Variants in SCRIB observed in about 807,000 individuals in gnomAD.
SCRIB encodes the protein scribble planar cell polarity protein.
SCRIB carries 72 observed loss-of-function variants against 170.0 expected under a neutral mutation model. The observed-to-expected ratio is 0.42, with a 90% CI of 0.35 to 0.52. The LOEUF is 0.52. Among genes scored for constraint, SCRIB ranks in the 20% least tolerant of loss-of-function variants. SCRIB has a pLI of 0.02. For missense variants in SCRIB, 2,475 were observed against 2,338.5 expected, an observed-to-expected ratio of 1.06 and a Z score of -1.20; for synonymous variants, 1,298 against 1,044.3, an observed-to-expected ratio of 1.24 and a Z score of -4.68.
chr8:143,795,391 T>G, intron 25 of SCRIB, 29 bp downstream of exon 25: 1 of 1,612,606 alleles, frequency 6.2e-7, no homozygotes, highest in Non-Finnish European at 8.5e-7. Context: ...TCCCTGGCCC[T>G]GGGGCTGCCG....
chr8:143,792,859 C>T lies in SCRIB; in HGVS notation c.4026G>A (p.Thr1342=), dbSNP rs528903877. The part of the protein sequence containing the change: ...PPEDAPAQPP[T]PGPAASPEQL... Reference sequence around the variant, plus strand: ...GCTCCGGGGAGGCTGCAGGCCCAGGCGTGGGGGGCTGGGGGGAGCGGACCT... The same window carrying T: ...GCTCCGGGGAGGCTGCAGGCCCAGGTGTGGGGGGCTGGGGGGAGCGGACCT... The change falls in exon 30 of 37, where the codon ACG becomes ACA. Residue 1342 remains threonine (T), a synonymous_variant. Coordinates refer to ENST00000356994, the MANE Select transcript of SCRIB (RefSeq NM_182706.5). The T allele has an allele frequency of 2.2e-5, 33 of 1,514,672 alleles. No individual in the cohort carries two copies. Among genetic ancestry groups the T allele is most frequent in the African/African-American group, 1.1e-4 (8 of 72,076 alleles). The allele number at this position is 1,514,672 out of a possible 1,614,324, so 93.8% of individuals were successfully genotyped here. A position where few individuals can be genotyped will look rare whatever the true frequency, so the allele number is the denominator to read the frequency against.
chr8:143,805,839 A>C (rs985039315), intron 18 of SCRIB, among the ~76,000 whole-genome samples: 18 of 152,194 alleles, frequency 1.2e-4, no homozygotes, highest in Non-Finnish European at 1.6e-4. Context: ...CGCAAAGGTC[A>C]GGAGAGCTGA....
chr8:143,810,642 AG>A (rs1412026123), intron 12 of SCRIB, 38 bp from the exon 13 acceptor site: 1 of 1,605,670 alleles, frequency 6.2e-7, no homozygotes, highest in South Asian at 1.1e-5. Flanking sequence ...GCCACAGGGC[AG>A]GGGTCAGGCA....
chr8:143,799,060 A>T (rs1021049227), intron 24 of SCRIB, among the ~76,000 whole-genome samples: 11 of 152,218 alleles, frequency 7.2e-5, no homozygotes, highest in Admixed American at 2.6e-4. Context: ...AAAAACAGAA[A>T]GACACCTCAG....
chr8:143,793,954 A>G lies in SCRIB; in HGVS notation c.3855T>C (p.Ser1285=), dbSNP rs201500769. 21 of 1,613,334 alleles carry G rather than the reference A, an allele frequency of 1.3e-5. No individual in the cohort carries two copies. In the African/African-American group the frequency reaches 1.7e-4, roughly 13 times the overall value. Residue 1285 remains serine, a synonymous_variant, in exon 28 of 37, where the codon TCT becomes TCC. Coordinates refer to ENST00000356994, the MANE Select transcript of SCRIB (RefSeq NM_182706.5). ...CAGCCATCTTCCCTCCAGCTGCTCCAGACGGTACCTGGAGGAGTAGGCAGT... is the reference window on the plus strand; with the variant it reads ...CAGCCATCTTCCCTCCAGCTGCTCCGGACGGTACCTGGAGGAGTAGGCAGT... ...PSAGSVQRVP[S]GAAGGKMAES...
Position 143,803,891 on chromosome 8 carries a change from C to A in SCRIB, c.3170G>T (p.Arg1057Leu). The A allele has an allele frequency of 6.3e-7, 1 of 1,593,818 alleles. No homozygotes were observed. ...AARSGLRVGD[R>L]ILAVNGQDVR... is the part of the protein sequence containing the mutation. ...GTCTTGCCCGTTCACTGCCAGGATG[C>A]GGTCCCCAACCCGCAGGCCGCTGCG... The change falls in exon 23 of 37, where the codon CGC becomes CTC. Residue 1057 changes from arginine (R) to leucine (L), a missense_variant. Arg to Leu is a moderately radical substitution (Grantham distance 102). Coordinates refer to ENST00000356994, the MANE Select transcript of SCRIB (RefSeq NM_182706.5).
rs767086989 is a variant in SCRIB, at chr8:143,813,145, G to A, written c.568-41C>T. 1.6e-5 allele frequency: 25 copies of A among 1,574,154 alleles called. No individual in the cohort carries two copies. The Admixed American group carries it at 3.3e-4, about 20-fold the overall frequency. ...GAGAAAATAGTGACTATGAGGCAAA[G>A]CCTCCTGCTGCGCCGTGCTCAAGAG... On this transcript the variant is annotated intron_variant, in intron 6 of 36. Transcript: ENST00000356994.
intron 5 of SCRIB, 38 bp from the exon 6 acceptor site, chr8:143,813,412 C>A (rs1367829029): frequency 6.2e-7 from 1 of 1,613,008 alleles, no homozygotes; most frequent in Admixed American, 1.7e-5. Context: ...GCCACGCAGC[C>A]CTGGTCCCTG....
chr8:143,801,943 C>T lies in SCRIB; in HGVS notation c.3603+1440G>A, dbSNP rs987112384. Among the ~76,000 whole-genome samples, 4 of 152,196 alleles carry T rather than the reference C, an allele frequency of 2.6e-5. No homozygotes were observed. The East Asian group carries it at 5.8e-4, about 22-fold the overall frequency. On this transcript the variant is annotated intron_variant, in intron 24 of 36. Transcript: ENST00000356994. The stretch of plus-strand genomic sequence containing the variant: ...GCCAGATGCAAGGACAACCTGTGGC[C>T]GACAGCAGCGCGGCACGCCGGCTGC...
In SCRIB at chr8:143,813,617, C is replaced by T. The variant is rs747665463; in HGVS notation, c.446+20G>A. ...CCTGGTCCCCCACCCCACCCTAGTT[C>T]CACCTGAGAAGGCACTCACTTGCCC... On this transcript the variant is annotated intron_variant, in intron 4 of 36. Transcript: ENST00000356994. 2 of 1,612,742 alleles carry T rather than the reference C, an allele frequency of 1.2e-6. No homozygotes were observed. Among genetic ancestry groups the T allele is most frequent in the Admixed American group, 3.3e-5 (2 of 60,010 alleles).
chr8:143,803,304 G>A, intron 24 of SCRIB, 79 bp downstream of exon 24: 7 of 1,366,950 alleles, frequency 5.1e-6, no homozygotes, highest in Non-Finnish European at 6.8e-6. Context: ...CCCGTCGCCT[G>A]CCCCGAGAGG....
chr8:143,803,881 T>C lies in SCRIB; in HGVS notation c.3180A>G (p.Ala1060=), dbSNP rs782285827. ...SGLRVGDRIL[A]VNGQDVRDAT... The stretch of plus-strand genomic sequence containing the variant: ...CATCCCGCACGTCTTGCCCGTTCAC[T>C]GCCAGGATGCGGTCCCCAACCCGCA... Residue 1060 remains alanine, a synonymous_variant, in exon 23 of 37, where the codon GCA becomes GCG. Coordinates refer to ENST00000356994, the MANE Select transcript of SCRIB (RefSeq NM_182706.5). 1.8e-5 allele frequency: 29 copies of C among 1,597,236 alleles called. No individual in the cohort carries two copies. The highest frequency in any genetic ancestry group is 2.1e-5 in the Non-Finnish European group (25 of 1,172,472).
chr8:143,792,280 A>T lies in SCRIB; in HGVS notation c.4454T>A (p.Leu1485Gln). 1 of 1,567,986 alleles carries T rather than the reference A, an allele frequency of 6.4e-7. No individual in the cohort carries two copies. Among genetic ancestry groups the T allele is most frequent in the Non-Finnish European group, 8.6e-7 (1 of 1,164,254 alleles). The change falls in exon 32 of 37, where the codon CTG becomes CAG. Residue 1485 changes from leucine to glutamine, a missense_variant. Physicochemically the swap from Leu to Gln is moderately radical, Grantham distance 113 (BLOSUM62 -2). Around this residue, in one of 3 missense-constraint regions of SCRIB, gnomAD observed 1,966 missense variants for 1,742.9 expected, o/e 1.13. Transcript: ENST00000356994. ...CAGGGCCCGGAGCTCGGCAGGGGAC[A>T]GGGCACGCTCGGGTGCCGGTGGCTC... ...SPEPPAPERA[L>Q]SPAELRALEA...
At position 143,808,752 on chromosome 8, in the gene SCRIB, G is replaced by C. The variant is rs754372256; in HGVS notation, c.1972C>G (p.Gln658Glu). Reference sequence around the variant, plus strand: ...TCTTCCTCCTCCTCCTCCTCCTTCTGGGCCCGAGGAGCCCAGGGTGCGTGG... The same window carrying C: ...TCTTCCTCCTCCTCCTCCTCCTTCTCGGCCCGAGGAGCCCAGGGTGCGTGG... ...GPHAPWAPRA[Q>E]KEEEEEEEGS... Residue 658 changes from glutamine to glutamate, a missense_variant, in exon 15 of 37, where the codon CAG (glutamine) becomes GAG (glutamate). Physicochemically the swap from Gln to Glu is conservative, Grantham distance 29 (BLOSUM62 2). This residue lies in a region of SCRIB where 1,966 missense variants were observed against 1,742.9 expected (regional missense o/e 1.13). Transcript: ENST00000356994. The C allele has an allele frequency of 6.2e-7, 1 of 1,606,172 alleles. No individual in the cohort carries two copies. The highest frequency in any genetic ancestry group is 1.1e-5 in the South Asian group (1 of 89,792).
chr8:143,796,320 G>A (rs2130016187), intron 24 of SCRIB, among the ~76,000 whole-genome samples: 1 of 152,300 alleles, frequency 6.6e-6, no homozygotes, highest in African/African-American at 2.4e-5. Context: ...AGTGGACACA[G>A]GCATTGCTCA....
chr8:143,812,613 C>CG (rs1815794230), intron 8 of SCRIB, among the ~76,000 whole-genome samples: 1 of 152,186 alleles, frequency 6.6e-6, no homozygotes, highest in Non-Finnish European at 1.5e-5. Context: ...CAGACTCCAC[C>CG]GCCCCCTCCA....
At chr8:143,805,836 G>A (rs1815400577) in intron 18 of SCRIB, among the ~76,000 whole-genome samples, 2 of 152,312 alleles carry the variant, frequency 1.3e-5, no homozygotes, top group Non-Finnish European at 2.9e-5. Flanking sequence ...CCACGCAAAG[G>A]TCAGGAGAGC....
At chr8:143,801,983 C>T (rs1279878247) in intron 24 of SCRIB, among the ~76,000 whole-genome samples, 1 of 152,234 alleles carries the variant, frequency 6.6e-6, no homozygotes, top group Non-Finnish European at 1.5e-5. Context: ...ATGGCACTAG[C>T]CCTGCCTTCT....
rs781795518 is a variant in SCRIB, at chr8:143,792,820, C to T, written c.4065G>A (p.Arg1355=). The T allele has an allele frequency of 6.4e-7, 1 of 1,550,832 alleles. No homozygotes were observed. Among genetic ancestry groups the T allele is most frequent in the East Asian group, 2.3e-5 (1 of 43,822 alleles). ...CCAGCTCAAAGTACTTCTGCCGCTC[C>T]CGGAAGGACAGCTGCTCCGGGGAGG... is the stretch of plus-strand genomic sequence containing the variant. ...PAASPEQLSF[R]ERQKYFELEV... Residue 1355 remains arginine (R), a synonymous_variant, in exon 30 of 37, where the codon CGG becomes CGA. Coordinates refer to ENST00000356994, the MANE Select transcript of SCRIB (RefSeq NM_182706.5).
Sources: allele counts gnomAD v4.1 joint callset (sites outside exome capture counted in the v4.1 genomes callset), GRCh38; gene constraint gnomAD v4.1.1; regional missense constraint gnomAD v4.1.1; transcripts MANE v1.5; gene names NCBI Gene and HGNC (gene_info 2026-07-23, HGNC 2026-07-21).